The following MARK4 variants were observed in gnomAD, a reference collection of about 807,000 sequenced individuals.
MARK4 encodes microtubule affinity regulating kinase 4.
In MARK4, 19 loss-of-function variants were observed where a neutral mutation model predicts 81.5. That is an observed-to-expected ratio of 0.23 (90% CI 0.16 to 0.34). The LOEUF (loss-of-function observed/expected upper bound fraction) is 0.34. Among genes scored for constraint, MARK4 ranks in the 10% least tolerant of loss-of-function variants. The pLI, the probability that MARK4 is intolerant of heterozygous loss-of-function variation, is 1.00. For missense variants in MARK4, 772 were observed against 1,058.8 expected, an observed-to-expected ratio of 0.73 and a Z score of 3.76; for synonymous variants, 436 against 439.0, an observed-to-expected ratio of 0.99 and a Z score of 0.08.
In MARK4 at chr19:45,302,425, C is replaced by A. The variant is rs987880072; in HGVS notation, c.1974C>A (p.Phe658Leu). Residue 658 changes from phenylalanine to leucine, a missense_variant, in exon 17 of 17, where the codon TTC becomes TTA. Coordinates refer to ENST00000262891, the MANE Select transcript of MARK4 (RefSeq NM_001199867.2). This position sits in a 1 kb window ranked among gnomAD's most constrained non-coding sequence, Gnocchi z 4.9. ...AAACCGCCCCCCGGCTGCTCCGATTCCCCTGGAGTGTGAAGCTGACCAGCT... is the reference window on the plus strand; with the variant it reads ...AAACCGCCCCCCGGCTGCTCCGATTACCCTGGAGTGTGAAGCTGACCAGCT... ...QTETAPRLLRFPWSVKLTSSR... is the reference protein window; with the variant it reads ...QTETAPRLLRLPWSVKLTSSR... 3.1e-6 allele frequency: 5 copies of A among 1,614,092 alleles called. No homozygotes were observed. Among genetic ancestry groups the A allele is most frequent in the Non-Finnish European group, 3.4e-6 (4 of 1,179,976 alleles).
intron 2 of MARK4, among the ~76,000 whole-genome samples, chr19:45,261,801 C>T (rs564487590): frequency 6.6e-5 from 10 of 152,102 alleles, no homozygotes; most frequent in Admixed American, 2.0e-4. Flanking sequence ...GGCATGGTGA[C>T]GCATGCCTGT....
At chr19:45,262,131 A>G (rs1322507681) in intron 2 of MARK4, among the ~76,000 whole-genome samples, 4 of 152,174 alleles carry the variant, frequency 2.6e-5, no homozygotes, top group Non-Finnish European at 5.9e-5. Context: ...ATGACTAAAC[A>G]GCTCTGTGCC....
intron 4 of MARK4, among the ~76,000 whole-genome samples, chr19:45,263,909 A>T (rs1321770847): frequency 6.6e-6 from 1 of 152,110 alleles, no homozygotes; most frequent in Admixed American, 6.6e-5. Flanking sequence ...GACAAAGATG[A>T]TGCATCCAAA....
intron 16 of MARK4, among the ~76,000 whole-genome samples, chr19:45,301,108 G>C (rs1370065625): frequency 6.6e-6 from 1 of 152,132 alleles, no homozygotes; most frequent in Non-Finnish European, 1.5e-5. Flanking sequence ...CCCATCCTAA[G>C]ACATGTGACA....
At chr19:45,286,772 C>T (rs1182759134) in intron 12 of MARK4, among the ~76,000 whole-genome samples, 1 of 151,966 alleles carries the variant, frequency 6.6e-6, no homozygotes, top group East Asian at 1.9e-4. Context: ...AAATTCTCCC[C>T]TTTTGAAACA....
In MARK4 at chr19:45,277,928, G is replaced by T. The variant is rs370759371; in HGVS notation, c.792G>T (p.Leu264=). 1.2e-6 allele frequency: 2 copies of T among 1,612,908 alleles called. No homozygotes were observed. Among genetic ancestry groups the T allele is most frequent in the African/African-American group, 2.7e-5 (2 of 74,786 alleles). The change falls in exon 9 of 17, where the codon CTG becomes CTT. Residue 264 remains leucine (L), a synonymous_variant. Transcript: ENST00000262891. The part of the protein sequence containing the change: ...LPFDGHNLKE[L]RERVLRGKYR... Reference sequence around the variant, plus strand: ...CAGTAACCCCATCCCTGCAGGAGCTGCGGGAGCGAGTACTCAGAGGGAAGT... The same window carrying T: ...CAGTAACCCCATCCCTGCAGGAGCTTCGGGAGCGAGTACTCAGAGGGAAGT...
rs1186803581 is a variant in MARK4 at position 45,257,693 on chromosome 19, T to A, written c.52-1296T>A. On this transcript the variant is annotated intron_variant, in intron 1 of 16. Transcript: ENST00000262891. Reference sequence around the variant, plus strand: ...CCACCTCGCCTGGCCCATAATATTTTTTTTTTTTTTTTTTGAGACAGAGTC... The same window carrying A: ...CCACCTCGCCTGGCCCATAATATTTATTTTTTTTTTTTTTGAGACAGAGTC... 4.7e-3 allele frequency among the ~76,000 whole-genome samples: 689 copies of A among 145,370 alleles called. 2 individuals are homozygous for A. The highest frequency in any genetic ancestry group is 0.016 in the African/African-American group (650 of 39,606).
At chr19:45,262,130 C>T (rs1449776452) in intron 2 of MARK4, among the ~76,000 whole-genome samples, 4 of 152,116 alleles carry the variant, frequency 2.6e-5, no homozygotes, top group African/African-American at 9.7e-5. Context: ...AATGACTAAA[C>T]AGCTCTGTGC....
At chr19:45,263,402 A>G (rs772008440) in intron 4 of MARK4, 35 bp downstream of exon 4, 12 of 1,613,558 alleles carry the variant, frequency 7.4e-6, no homozygotes, top group South Asian at 1.1e-5. Flanking sequence ...CAGGCCACCA[A>G]CTGGAACACT....
In MARK4 at chr19:45,264,769, C is replaced by T. The variant is rs746839052; in HGVS notation, c.421+20C>T. The T allele has an allele frequency of 2.3e-5, 37 of 1,613,846 alleles. No individual in the cohort carries two copies. Among genetic ancestry groups the T allele is most frequent in the Admixed American group, 8.3e-5 (5 of 60,002 alleles). ...GTGCTGGTGAGCCGCCCACCCTCTC[C>T]GCCCTGCCCCTGTGCCACCTCCCCC... On this transcript the variant is annotated intron_variant, in intron 5 of 16. Coordinates refer to ENST00000262891, the MANE Select transcript of MARK4 (RefSeq NM_001199867.2).
In MARK4 at chr19:45,302,336, C is replaced by T. The variant is rs752479922; in HGVS notation, c.1923-38C>T. ...TTCAGCCCTCCACCACATTCCTCTTCGCTCCCATCTCTGACCCCTGACATC... is the reference window on the plus strand; with the variant it reads ...TTCAGCCCTCCACCACATTCCTCTTTGCTCCCATCTCTGACCCCTGACATC... On this transcript the variant is annotated intron_variant, in intron 16 of 16. Coordinates refer to ENST00000262891, the MANE Select transcript of MARK4 (RefSeq NM_001199867.2). The surrounding 1 kb of genome is among the most constrained non-coding windows in gnomAD (Gnocchi z 4.9). 7 of 1,613,652 alleles carry T rather than the reference C, an allele frequency of 4.3e-6. No individual in the cohort carries two copies. The highest frequency in any genetic ancestry group is 1.7e-5 in the Admixed American group (1 of 59,958).
chr19:45,298,003 G>A, intron 15 of MARK4, 49 bp downstream of exon 15: 1 of 1,549,092 alleles, frequency 6.5e-7, no homozygotes, highest in Non-Finnish European at 8.7e-7. Context: ...GGGGCCGATG[G>A]GACCTAACCT....
At chr19:45,267,026 C>T (rs1970464040) in intron 7 of MARK4, among the ~76,000 whole-genome samples, 1 of 152,038 alleles carries the variant, frequency 6.6e-6, no homozygotes, top group Admixed American at 6.6e-5. Context: ...GCCACGGCAC[C>T]TGGCCGGGAA....
intron 8 of MARK4, among the ~76,000 whole-genome samples, chr19:45,275,763 C>T (rs1273684650): frequency 1.3e-5 from 2 of 152,182 alleles, no homozygotes; most frequent in Non-Finnish European, 2.9e-5. Context: ...GGAAAGTGGG[C>T]GTTATAACCG....
chr19:45,291,956 C>T (rs578128486), intron 13 of MARK4, among the ~76,000 whole-genome samples: 2 of 152,306 alleles, frequency 1.3e-5, no homozygotes, highest in East Asian at 3.9e-4. Context: ...GAAGTCAAAG[C>T]AGGCAGGAGA....
chr19:45,288,923 T>G (rs1970785775), intron 13 of MARK4, among the ~76,000 whole-genome samples: 1 of 151,208 alleles, frequency 6.6e-6, no homozygotes, highest in Admixed American at 6.6e-5. Flanking sequence ...GCATCTACAT[T>G]CGGTCCCACT....
chr19:45,276,115 C>T (rs1414813408), intron 8 of MARK4, among the ~76,000 whole-genome samples: 1 of 152,210 alleles, frequency 6.6e-6, no homozygotes, highest in Non-Finnish European at 1.5e-5. Context: ...CAGCCTCAAC[C>T]TCCCGGGCTC....
chr19:45,264,939 C>G (rs766356561), intron 6 of MARK4, 29 bp downstream of exon 6: 1 of 1,610,094 alleles, frequency 6.2e-7, no homozygotes, highest in Non-Finnish European at 8.5e-7. Flanking sequence ...GTGGGGCTGA[C>G]TGGGTGCCTG....
intron 13 of MARK4, chr19:45,287,885 A>G: frequency 1.6e-6 from 1 of 618,208 alleles, no homozygotes; most frequent in Admixed American, 2.6e-5. Flanking sequence ...TCTGTGTCAA[A>G]GAAGTGCAGA....
Sources: allele counts gnomAD v4.1 joint callset (sites outside exome capture counted in the v4.1 genomes callset), GRCh38; gene constraint gnomAD v4.1.1; non-coding constraint Gnocchi (gnomAD v3.1); transcripts MANE v1.5; gene names NCBI Gene and HGNC (gene_info 2026-07-23, HGNC 2026-07-21).